SEC22C: variants seen among roughly 807,000 people sequenced by gnomAD.
SEC22C encodes the protein vesicle-trafficking protein SEC22c.
SEC22C carries 29 observed loss-of-function variants against 34.7 expected under a neutral mutation model. The ratio of observed to expected loss-of-function variants is 0.84; its 90% CI spans 0.62 to 1.14. The LOEUF (loss-of-function observed/expected upper bound fraction) is 1.14. SEC22C is among the 50% of genes most tolerant of loss of function. The pLI is 0.00. For missense variants in SEC22C, 337 were observed against 369.0 expected, an observed-to-expected ratio of 0.91 and a Z score of 0.71; for synonymous variants, 117 against 132.8, an observed-to-expected ratio of 0.88 and a Z score of 0.82.
rs376527626 is a variant in SEC22C, at chr3:42,600,971, C to T, written c.-39G>A. The T allele has an allele frequency of 3.7e-5, 56 of 1,513,214 alleles. No individual in the cohort carries two copies. In the African/African-American group the frequency reaches 5.6e-4, roughly 15 times the overall value. 93.7% of individuals were successfully genotyped at this position (1,513,214 alleles called of 1,614,324 possible). A position where few individuals can be genotyped will look rare whatever the true frequency, so the allele number is the denominator to read the frequency against. ...GCCCCTGCCCTGACCGCTTTTCTCC[C>T]CCTCTCTCCCAGCTCTTGCCGCCAC... On this transcript the variant is annotated 5_prime_UTR_variant, in exon 1 of 7. Transcript: ENST00000417572.
In SEC22C at chr3:42,553,243, C is replaced by A. The variant is rs763486869; in HGVS notation, c.*5G>T. 3 of 1,613,906 alleles carry A rather than the reference C, an allele frequency of 1.9e-6. No homozygotes were observed. Among genetic ancestry groups the A allele is most frequent in the South Asian group, 2.2e-5 (2 of 91,038 alleles). ...TCAAAGAATCCATTCATCACAGTGT[C>A]ATCCTCATACTCCACAGTCAGACTG... On this transcript the variant is annotated 3_prime_UTR_variant, in exon 7 of 7. Coordinates refer to ENST00000264454, the MANE Select transcript of SEC22C (RefSeq NM_032970.4).
intron 1 of SEC22C, among the ~76,000 whole-genome samples, chr3:42,595,297 CTTTA>C (rs1178433456): frequency 7.3e-5 from 11 of 151,698 alleles, no homozygotes; most frequent in African/African-American, 2.4e-4. Flanking sequence ...TCCTTTTTTT[CTTTA>C]TTTGTTGAAA....
chr3:42,586,966 G>A (rs1704633196), upstream of SEC22C, among the ~76,000 whole-genome samples: 1 of 152,078 alleles, frequency 6.6e-6, no homozygotes, highest in African/African-American at 2.4e-5. Flanking sequence ...GCTTAACCCA[G>A]AACCCCAGAA....
At chr3:42,556,971 C>T (rs1190363984) in intron 5 of SEC22C, among the ~76,000 whole-genome samples, 1 of 152,206 alleles carries the variant, frequency 6.6e-6, no homozygotes, top group South Asian at 2.1e-4. Flanking sequence ...GATCCACCCA[C>T]CTCAACCTCC....
intron 1 of SEC22C, among the ~76,000 whole-genome samples, chr3:42,570,862 C>A (rs899381717): frequency 6.6e-6 from 1 of 152,080 alleles, no homozygotes; most frequent in Non-Finnish European, 1.5e-5. Flanking sequence ...GCTACAAGAT[C>A]AATTTGAGAC....
intron 5 of SEC22C, among the ~76,000 whole-genome samples, chr3:42,557,184 TA>T (rs1702581244): frequency 6.6e-6 from 1 of 152,190 alleles, no homozygotes; most frequent in Non-Finnish European, 1.5e-5. Flanking sequence ...GCATCTGCAT[TA>T]TACAAATCAG....
At chr3:42,586,631 T>G (rs528513274), upstream of SEC22C, among the ~76,000 whole-genome samples, 1 of 151,556 alleles carries the variant, frequency 6.6e-6, no homozygotes, top group South Asian at 2.1e-4. Flanking sequence ...GGTTTTCCTC[T>G]TCCTATATCT....
In SEC22C at chr3:42,568,926, C is replaced by G; in HGVS notation, c.121G>C (p.Ala41Pro). 3.1e-6 allele frequency: 5 copies of G among 1,614,184 alleles called. No individual in the cohort carries two copies. The highest frequency in any genetic ancestry group is 4.2e-6 in the Non-Finnish European group (5 of 1,180,028). Residue 41 changes from alanine (A) to proline (P), a missense_variant, in exon 2 of 7, where the codon GCC becomes CCC. By Grantham distance (27) the Ala-to-Pro change is conservative. Transcript: ENST00000264454. ...LEWRRRLKSL[A>P]LRLAQYPGRG... is the part of the protein sequence containing the mutation. ...CCTGGATACTGGGCCAGTCGCAAGG[C>G]TAAACTCTTGAGCCGTCTCCTCCAT...
chr3:42,569,023 G>A lies in SEC22C; in HGVS notation c.24C>T (p.Cys8=), dbSNP rs2271187. 0.2 allele frequency: 323,082 copies of A among 1,612,792 alleles called. 35,393 individuals carry two copies. The highest frequency in any genetic ancestry group is 0.43 in the East Asian group (19,224 of 44,824). ...GCAGTCCATCCCTTACCCGTACCAC[G>A]CAGGCAAAAAAGATCACGGACATGG... MSVIFFA[C]VVRVRDGLPL... Residue 8 remains cysteine, a synonymous_variant, in exon 2 of 7, where the codon TGC becomes TGT. Transcript: ENST00000264454.
At chr3:42,572,639 CAG>C (rs1703717847) in intron 1 of SEC22C, among the ~76,000 whole-genome samples, 1 of 152,186 alleles carries the variant, frequency 6.6e-6, no homozygotes, top group Non-Finnish European at 1.5e-5. Flanking sequence ...AGTAATAAGA[CAG>C]TCCCTTGCTT....
intron 1 of SEC22C, chr3:42,590,725 G>C (rs68004576): frequency 1.4e-6 from 1 of 712,576 alleles, no homozygotes; most frequent in Non-Finnish European, 2.4e-6. Context: ...CCGGCGTTCT[G>C]GGGGCTGGGA....
intron 1 of SEC22C, chr3:42,573,355 T>C (rs1221125714): frequency 6.6e-6 from 1 of 151,872 alleles, no homozygotes; most frequent in Admixed American, 6.6e-5. Context: ...TAAAACCTCG[T>C]CTCTATTAAA....
Position 42,548,840 on chromosome 3 carries a change from G to A in SEC22C, c.*4408C>T. ...AAATGGCTGTGCTGTGCTGCCTGAA[G>A]CAGAAAAACCTTCATGTACCAGGTG... On this transcript the variant is annotated 3_prime_UTR_variant, in exon 7 of 7. Coordinates refer to ENST00000264454, the MANE Select transcript of SEC22C (RefSeq NM_032970.4). 1 of 1,409,560 alleles carries A rather than the reference G, an allele frequency of 7.1e-7. No individual in the cohort carries two copies. The highest frequency in any genetic ancestry group is 1.6e-5 in the South Asian group (1 of 61,984). The allele number at this position is 1,409,560 out of a possible 1,614,324, so 87.3% of individuals were successfully genotyped here. A position where few individuals can be genotyped will look rare whatever the true frequency, so the allele number is the denominator to read the frequency against.
At chr3:42,587,800 T>C (rs1216383815) in intron 1 of SEC22C, among the ~76,000 whole-genome samples, 1 of 151,484 alleles carries the variant, frequency 6.6e-6, no homozygotes, top group Non-Finnish European at 1.5e-5. Flanking sequence ...GGCCAGGCTC[T>C]GTGGCTCACA....
rs764374628 is a variant in SEC22C at position 42,549,205 on chromosome 3, G to GA, written c.*4042dup. ...GCAATATTCTACACGAAAACATTTG[G>GA]AATGTGAGCAATGTCTGAACAGGGG... On this transcript the variant is annotated 3_prime_UTR_variant, in exon 7 of 7. Coordinates refer to ENST00000264454, the MANE Select transcript of SEC22C (RefSeq NM_032970.4). The GA allele has an allele frequency of 1.4e-5, 14 of 986,614 alleles. No individual in the cohort carries two copies. Among genetic ancestry groups the GA allele is most frequent in the Non-Finnish European group, 1.7e-5 (14 of 830,784 alleles). The allele number at this position is 986,614 out of a possible 1,614,324, so 61.1% of individuals were successfully genotyped here. A position where few individuals can be genotyped will look rare whatever the true frequency, so the allele number is the denominator to read the frequency against.
chr3:42,568,353 G>A (rs1286874338), intron 2 of SEC22C, among the ~76,000 whole-genome samples: 1 of 151,978 alleles, frequency 6.6e-6, no homozygotes, highest in Non-Finnish European at 1.5e-5. Flanking sequence ...GTTAAGAGGT[G>A]GAGCAGCCAC....
At chr3:42,585,941 C>T (rs530570585), upstream of SEC22C, among the ~76,000 whole-genome samples, 7 of 151,888 alleles carry the variant, frequency 4.6e-5, no homozygotes, top group Admixed American at 2.0e-4. Flanking sequence ...CACTCTTCAA[C>T]CCCCCCTCCC....
In SEC22C at chr3:42,566,818, A is replaced by T. The variant is rs1259824680; in HGVS notation, c.182+2047T>A. The stretch of plus-strand genomic sequence containing the variant: ...TAGGAGTTTAAGACCAGCCTGGGCA[A>T]CATGGCAAGACCTTGTCTCTAAAAA... On this transcript the variant is annotated intron_variant, in intron 2 of 6. Transcript: ENST00000264454. 82 of 425,198 alleles carry T rather than the reference A, an allele frequency of 1.9e-4. 1 individual carries two copies. The Admixed American group carries it at 2.0e-3, about 10-fold the overall frequency. 26.3% of individuals were successfully genotyped at this position (425,198 alleles called of 1,614,324 possible).
Position 42,552,703 on chromosome 3 carries a change from G to A in SEC22C, c.*545C>T. On this transcript the variant is annotated 3_prime_UTR_variant, in exon 7 of 7. Transcript: ENST00000264454. ...CCAAAATATAATTAAATATTCCAAA[G>A]GTATATCGAACCTAAGATATTGAAA... 1 of 979,372 alleles carries A rather than the reference G, an allele frequency of 1.0e-6. No individual in the cohort carries two copies. The highest frequency in any genetic ancestry group is 1.2e-6 in the Non-Finnish European group (1 of 824,694). The allele number at this position is 979,372 out of a possible 1,614,324, so 60.7% of individuals were successfully genotyped here. A position where few individuals can be genotyped will look rare whatever the true frequency, so the allele number is the denominator to read the frequency against.
Sources: gnomAD v4.1 joint callset for allele counts (sites outside exome capture counted in the v4.1 genomes callset) on GRCh38, gnomAD v4.1.1 for gene constraint, MANE v1.5 for transcripts, NCBI Gene and HGNC (gene_info 2026-07-23, HGNC 2026-07-21) for gene names.